ATP2B2: variants seen among roughly 807,000 people sequenced by gnomAD.
ATP2B2 encodes ATPase plasma membrane Ca2+ transporting 2.
Under a neutral mutation model 120.0 loss-of-function variants are expected in ATP2B2, and 15 were observed. That is an observed-to-expected ratio of 0.12 (90% CI 0.08 to 0.19). The LOEUF (loss-of-function observed/expected upper bound fraction) is 0.19. Among genes scored for constraint, ATP2B2 ranks in the 10% least tolerant of loss-of-function variants. The probability of loss-of-function intolerance (pLI) is 1.00; values close to 1 mark genes in which losing one functional copy is unlikely to be tolerated. For synonymous variants in ATP2B2, 694 were observed against 700.3 expected, an observed-to-expected ratio of 0.99 and a Z score of 0.14; for missense variants, 1,045 against 1,719.8, an observed-to-expected ratio of 0.61 and a Z score of 6.94.
intron 1 of ATP2B2, among the ~76,000 whole-genome samples, chr3:10,633,602 A>T (rs149297049): frequency 5.9e-5 from 9 of 152,354 alleles, no homozygotes; most frequent in African/African-American, 1.9e-4. Context: ...AAGGAAGGCC[A>T]TGATATTGAA....
intron 1 of ATP2B2, among the ~76,000 whole-genome samples, chr3:10,493,612 G>A (rs1329512399): frequency 2.0e-5 from 3 of 152,156 alleles, no homozygotes; most frequent in Non-Finnish European, 4.4e-5. Flanking sequence ...CTCTGGCCAC[G>A]CAGGAAGAAC....
chr3:10,537,226 T>A (rs1171112433), intron 2 of ATP2B2, among the ~76,000 whole-genome samples: 4 of 152,220 alleles, frequency 2.6e-5, no homozygotes, highest in Non-Finnish European at 4.4e-5. Context: ...CTTTTCCTTA[T>A]AAATTTTATA....
At chr3:10,508,306 T>C (rs767490970), upstream of ATP2B2, among the ~76,000 whole-genome samples, 1 of 152,224 alleles carries the variant, frequency 6.6e-6, no homozygotes, top group Non-Finnish European at 1.5e-5. Context: ...CCAACTCAAA[T>C]TCTGCTTCCC....
At chr3:10,690,203 G>A (rs188710751) in intron 1 of ATP2B2, among the ~76,000 whole-genome samples, 59 of 152,320 alleles carry the variant, frequency 3.9e-4, no homozygotes, top group Admixed American at 1.6e-3. Flanking sequence ...CTTGACATAG[G>A]GGGGGACAAA....
chr3:10,404,418 G>A lies in ATP2B2; in HGVS notation c.398-2070C>T, dbSNP rs547291747. On this transcript the variant is annotated intron_variant, in intron 3 of 22. Transcript: ENST00000360273. The stretch of plus-strand genomic sequence containing the variant: ...CTAACTGCTGTGTGCCCATGAACTT[G>A]CTATGTAACCACTGTGCCTGCCTTG... 2.0e-5 allele frequency among the ~76,000 whole-genome samples: 3 copies of A among 152,320 alleles called. No homozygotes were observed. In the East Asian group the frequency reaches 5.8e-4, roughly 29 times the overall value.
chr3:10,485,645 C>T (rs559284711), intron 1 of ATP2B2, among the ~76,000 whole-genome samples: 53 of 152,290 alleles, frequency 3.5e-4, no homozygotes, highest in Middle Eastern at 3.4e-3. Flanking sequence ...GGGGTGGTGA[C>T]GCGGGAGTGG....
At chr3:10,611,318 G>A (rs1210225962) in intron 2 of ATP2B2, among the ~76,000 whole-genome samples, 1 of 152,202 alleles carries the variant, frequency 6.6e-6, no homozygotes, top group Non-Finnish European at 1.5e-5. Context: ...TATGAGCAGG[G>A]GCACCTCCCT....
At chr3:10,662,629 T>G (rs1415233455) in intron 1 of ATP2B2, among the ~76,000 whole-genome samples, 4 of 151,838 alleles carry the variant, frequency 2.6e-5, no homozygotes, top group Non-Finnish European at 4.4e-5. Context: ...TAGGACCACT[T>G]TTACACTGTT....
chr3:10,464,005 G>GCCCCAGA lies in ATP2B2; in HGVS notation c.-319-14150_-319-14144dup, dbSNP rs887810881. 9.9e-5 allele frequency among the ~76,000 whole-genome samples: 15 copies of GCCCCAGA among 152,104 alleles called. No homozygotes were observed. In the South Asian group the frequency reaches 3.1e-3, roughly 32 times the overall value. On this transcript the variant is annotated intron_variant, in intron 1 of 22. Transcript: ENST00000360273. ...AGAGCTGCCCCACTGGCAGCCCCAA[G>GCCCCAGA]CCCCAGACCCCAGACCCCAGACCCT...
chr3:10,690,398 C>A (rs2005201), intron 1 of ATP2B2, among the ~76,000 whole-genome samples: 60,339 of 151,916 alleles, frequency 0.4, 14,857 homozygotes, highest in African/African-American at 0.7. Flanking sequence ...GGATAGAGAG[C>A]TAACATATAG....
chr3:10,545,614 C>G (rs574089672), intron 2 of ATP2B2, among the ~76,000 whole-genome samples: 10 of 152,204 alleles, frequency 6.6e-5, no homozygotes, highest in South Asian at 4.2e-4. Flanking sequence ...AAGAAATGGT[C>G]TGTTTCCTCT....
intron 1 of ATP2B2, among the ~76,000 whole-genome samples, chr3:10,664,333 C>T (rs544248288): frequency 6.6e-6 from 1 of 152,300 alleles, no homozygotes; most frequent in South Asian, 2.1e-4. Flanking sequence ...TTATCCTTAA[C>T]AACAGAGTAG....
rs143147000 is a variant in ATP2B2, at chr3:10,592,836, G to A, written c.-415+27081C>T. On this transcript the variant is annotated intron_variant, in intron 2 of 21. Coordinates refer to the ATP2B2 transcript ENST00000646379. ...CTAGCTCTGTTGCCCAGGCTGGAGT[G>A]CAGTGGCACAATCATGGCTCACTGC... Among the ~76,000 whole-genome samples the A allele has an allele frequency of 3.0e-3, 456 of 152,334 alleles. 2 individuals carry two copies. Among genetic ancestry groups the A allele is most frequent in the African/African-American group, 0.01 (420 of 41,576 alleles).
chr3:10,399,230 G>A (rs190408017), intron 5 of ATP2B2, among the ~76,000 whole-genome samples: 2 of 152,228 alleles, frequency 1.3e-5, no homozygotes, highest in African/African-American at 4.8e-5. Context: ...GGCAGGACCA[G>A]GGCCACAGGG....
At chr3:10,368,694 T>C (rs1249843127) in intron 12 of ATP2B2, among the ~76,000 whole-genome samples, 2 of 150,944 alleles carry the variant, frequency 1.3e-5, no homozygotes, top group Non-Finnish European at 3.0e-5. Flanking sequence ...CCGCCATCCA[T>C]CTGTCCATCC....
At chr3:10,475,803 C>G (rs2065183327) in intron 1 of ATP2B2, among the ~76,000 whole-genome samples, 1 of 152,194 alleles carries the variant, frequency 6.6e-6, no homozygotes, top group Non-Finnish European at 1.5e-5. Flanking sequence ...TCTGCAATGC[C>G]TCATGCTGTC....
chr3:10,445,011 G>A (rs1227308643), intron 2 of ATP2B2, among the ~76,000 whole-genome samples: 1 of 152,246 alleles, frequency 6.6e-6, no homozygotes, highest in Non-Finnish European at 1.5e-5. Flanking sequence ...CCTGGCACTA[G>A]TCGCCCATCT....
chr3:10,569,155 G>A (rs574743983), intron 2 of ATP2B2, among the ~76,000 whole-genome samples: 26 of 152,254 alleles, frequency 1.7e-4, no homozygotes, highest in Middle Eastern at 3.4e-3. Flanking sequence ...AAGTCCTTAT[G>A]TGGCCCCAAA....
intron 21 of ATP2B2, 141 bp from the exon 22 acceptor site, chr3:10,338,499 G>A: frequency 1.6e-6 from 1 of 626,482 alleles, no homozygotes; most frequent in Middle Eastern, 4.3e-4. Context: ...CACCTCACCT[G>A]TTCCTCAGCC....
Sources: allele counts gnomAD v4.1 joint callset (sites outside exome capture counted in the v4.1 genomes callset), GRCh38; gene constraint gnomAD v4.1.1; transcripts MANE v1.5; gene names NCBI Gene and HGNC (gene_info 2026-07-23, HGNC 2026-07-21).